Variants in KCNMA1 observed in about 807,000 individuals in gnomAD.
KCNMA1 encodes the protein potassium calcium-activated channel subfamily M alpha 1, also known as Calcium-activated potassium channel subunit alpha-1.
A neutral mutation model predicts 140.0 loss-of-function variants in KCNMA1; 29 were observed. The observed-to-expected ratio is 0.21, with a 90% CI of 0.15 to 0.28. The LOEUF (loss-of-function observed/expected upper bound fraction) is 0.28, where lower values mean the gene tolerates loss of function less well. Among genes scored for constraint, KCNMA1 ranks in the 10% least tolerant of loss-of-function variants. The pLI is 1.00. For synonymous variants in KCNMA1, 612 were observed against 611.9 expected, an observed-to-expected ratio of 1.00 and a Z score of 0.00; for missense variants, 880 against 1,602.2, an observed-to-expected ratio of 0.55 and a Z score of 7.70.
At chr10:77,381,492 T>C (rs1040265140) in intron 2 of KCNMA1, among the ~76,000 whole-genome samples, 3 of 152,176 alleles carry the variant, frequency 2.0e-5, no homozygotes, top group African/African-American at 7.2e-5. Flanking sequence ...CTCGGTTTCC[T>C]TCTCGGCAGT....
chr10:77,471,088 C>T (rs2098137934), intron 1 of KCNMA1, among the ~76,000 whole-genome samples: 1 of 151,250 alleles, frequency 6.6e-6, no homozygotes, highest in African/African-American at 2.4e-5. Context: ...AACACATATA[C>T]AACACACAAT....
At position 77,597,565 on chromosome 10, in the gene KCNMA1, A is replaced by C. The variant is rs2673471; in HGVS notation, c.378+39700T>G. ...GCAAGAGGCAGGGGACAAGAATGTA[A>C]TAAGATCCCATTTTCATTAAACAAC... On this transcript the variant is annotated intron_variant, in intron 1 of 27. Coordinates refer to ENST00000286628, the MANE Select transcript of KCNMA1 (RefSeq NM_001161352.2). Among the ~76,000 whole-genome samples the C allele has an allele frequency of 1.1e-4, 17 of 152,278 alleles. No homozygotes were observed. In the East Asian group the frequency reaches 3.3e-3, roughly 29 times the overall value.
intron 25 of KCNMA1, chr10:76,902,646 G>A (rs566743130): frequency 6.6e-6 from 1 of 152,332 alleles, no homozygotes; most frequent in African/African-American, 2.4e-5. Context: ...CCCTTCTTCT[G>A]ATTAAGGCAA....
chr10:77,305,996 C>T (rs1033499232), intron 2 of KCNMA1, among the ~76,000 whole-genome samples: 1 of 152,204 alleles, frequency 6.6e-6, no homozygotes, highest in African/African-American at 2.4e-5. Context: ...GGGCATAAAG[C>T]TCACCTAAAG....
At position 77,442,087 on chromosome 10, in the gene KCNMA1, A is replaced by C. The variant is rs559141128; in HGVS notation, c.379-38064T>G. ...GTGGGTTTTAGGAAAGAGATCACCC[A>C]GGAGACTCGAAAGGTCCGTTTGCTT... On this transcript the variant is annotated intron_variant, in intron 1 of 27. Transcript: ENST00000286628. Among the ~76,000 whole-genome samples the C allele has an allele frequency of 4.6e-4, 70 of 152,292 alleles. 1 individual carries two copies. The highest frequency in any genetic ancestry group is 1.6e-3 in the African/African-American group (66 of 41,562).
intron 2 of KCNMA1, among the ~76,000 whole-genome samples, chr10:77,356,909 G>A (rs1009389091): frequency 2.6e-5 from 4 of 152,192 alleles, no homozygotes; most frequent in African/African-American, 9.7e-5. Context: ...ATGAGAGTGA[G>A]TTCTAGGACT....
At chr10:77,500,131 C>G (rs1362084655) in intron 1 of KCNMA1, among the ~76,000 whole-genome samples, 1 of 151,206 alleles carries the variant, frequency 6.6e-6, no homozygotes, top group African/African-American at 2.4e-5. Context: ...ATTTAAATAT[C>G]TATTACAGAT....
chr10:77,531,576 C>T (rs570818787), intron 1 of KCNMA1, among the ~76,000 whole-genome samples: 9 of 152,304 alleles, frequency 5.9e-5, no homozygotes, highest in South Asian at 2.1e-4. Context: ...CAAGGGACTC[C>T]GGCTGTGCAT....
At chr10:76,997,476 C>T (rs1316006750) in intron 19 of KCNMA1, among the ~76,000 whole-genome samples, 1 of 152,240 alleles carries the variant, frequency 6.6e-6, no homozygotes, top group African/African-American at 2.4e-5. Context: ...GCCAGAGTTA[C>T]TGATGCTTTG....
At chr10:77,632,074 A>G (rs1004285746) in intron 1 of KCNMA1, among the ~76,000 whole-genome samples, 1 of 152,316 alleles carries the variant, frequency 6.6e-6, no homozygotes, top group South Asian at 2.1e-4. Context: ...CACCCCTGAC[A>G]CTGAAGCAAG....
At chr10:77,568,390 T>C (rs2069239467) in intron 1 of KCNMA1, among the ~76,000 whole-genome samples, 1 of 152,176 alleles carries the variant, frequency 6.6e-6, no homozygotes, top group Non-Finnish European at 1.5e-5. Flanking sequence ...TCCACCATGA[T>C]CAAGTCGGCT....
At chr10:77,234,184 T>G (rs1420150506) in intron 3 of KCNMA1, among the ~76,000 whole-genome samples, 1 of 152,192 alleles carries the variant, frequency 6.6e-6, no homozygotes, top group East Asian at 1.9e-4. Flanking sequence ...ATAACTGATT[T>G]TAACATAATC....
intron 5 of KCNMA1, among the ~76,000 whole-genome samples, chr10:77,136,439 A>G (rs2098030067): frequency 6.6e-6 from 1 of 152,194 alleles, no homozygotes; most frequent in South Asian, 2.1e-4. Context: ...TAGAGTTTCA[A>G]CTTTGCAAGA....
At chr10:77,004,239 A>ACACG (rs1555092441) in intron 18 of KCNMA1, among the ~76,000 whole-genome samples, 1 of 151,952 alleles carries the variant, frequency 6.6e-6, no homozygotes, top group Non-Finnish European at 1.5e-5. Context: ...ACACACACAC[A>ACACG]CACACACACA....
At chr10:77,402,441 T>A (rs2096301319) in intron 2 of KCNMA1, among the ~76,000 whole-genome samples, 1 of 152,158 alleles carries the variant, frequency 6.6e-6, no homozygotes, top group African/African-American at 2.4e-5. Flanking sequence ...AAATGTCCCC[T>A]CTTTCCATTT....
intron 25 of KCNMA1, among the ~76,000 whole-genome samples, chr10:76,895,161 G>C (rs2041968415): frequency 6.6e-6 from 1 of 152,114 alleles, no homozygotes; most frequent in African/African-American, 2.4e-5. Flanking sequence ...CGTACCCCCT[G>C]CTTGCTCAAT....
At chr10:77,256,373 C>T (rs1454452432) in intron 2 of KCNMA1, among the ~76,000 whole-genome samples, 1 of 152,124 alleles carries the variant, frequency 6.6e-6, no homozygotes, top group Non-Finnish European at 1.5e-5. Context: ...AGCAGAGATG[C>T]CCTCATCCCA....
At chr10:77,455,815 G>A (rs117250243) in intron 1 of KCNMA1, among the ~76,000 whole-genome samples, 5,619 of 152,128 alleles carry the variant, frequency 0.037, 204 homozygotes, top group Non-Finnish European at 0.049. Flanking sequence ...GTGGAAATTG[G>A]GTCAGAGCTG....
chr10:77,053,837 G>A (rs551486121), intron 14 of KCNMA1, among the ~76,000 whole-genome samples: 72 of 152,178 alleles, frequency 4.7e-4, no homozygotes, highest in African/African-American at 1.5e-3. Flanking sequence ...TTTCATATAC[G>A]GATAATCTTT....
Sources: gnomAD v4.1 joint callset for allele counts (sites outside exome capture counted in the v4.1 genomes callset) on GRCh38, gnomAD v4.1.1 for gene constraint, MANE v1.5 for transcripts, NCBI Gene and HGNC (gene_info 2026-07-23, HGNC 2026-07-21) for gene names.